SEMA3D: variants seen among roughly 807,000 people sequenced by gnomAD.
SEMA3D encodes semaphorin 3D, also known as semaphorin-3D.
Under a neutral mutation model 100.1 loss-of-function variants are expected in SEMA3D, and 84 were observed. The observed-to-expected ratio is 0.84, with a 90% CI of 0.70 to 1.01. The LOEUF is 1.01. Ranked by LOEUF, SEMA3D falls within the 50% of genes least tolerant of loss-of-function variation. The probability of loss-of-function intolerance (pLI) is 0.00; values close to 1 mark genes in which losing one functional copy is unlikely to be tolerated. For synonymous variants in SEMA3D, 312 were observed against 320.7 expected, an observed-to-expected ratio of 0.97 and a Z score of 0.29; for missense variants, 875 against 934.1, an observed-to-expected ratio of 0.94 and a Z score of 0.82.
At chr7:85,061,750 C>G (rs1007502863) in intron 8 of SEMA3D, among the ~76,000 whole-genome samples, 1 of 152,174 alleles carries the variant, frequency 6.6e-6, no homozygotes, top group Non-Finnish European at 1.5e-5. Flanking sequence ...CCTTACTCTG[C>G]CCTAGTTTCT....
chr7:85,049,826 G>A (rs1791110708), intron 9 of SEMA3D, among the ~76,000 whole-genome samples: 1 of 151,816 alleles, frequency 6.6e-6, no homozygotes, highest in African/African-American at 2.4e-5. Context: ...CAAGTTATGT[G>A]AAAGGGCCAT....
the SEMA3D span, among the ~76,000 whole-genome samples, chr7:85,226,427 G>A: frequency 2.6e-5 from 4 of 152,062 alleles, no homozygotes; most frequent in Admixed American, 2.6e-4. Flanking sequence ...TAGCATATAT[G>A]CATTCTTATT....
chr7:85,058,784 T>C (rs551135244), intron 8 of SEMA3D, among the ~76,000 whole-genome samples: 25 of 147,056 alleles, frequency 1.7e-4, no homozygotes, highest in African/African-American at 5.5e-4. Flanking sequence ...CTTTGTGGGA[T>C]CAAATTGTTC....
intron 3 of SEMA3D, 65 bp from the exon 4 acceptor site, chr7:85,098,030 G>A: frequency 1.2e-6 from 1 of 863,344 alleles, no homozygotes; most frequent in Non-Finnish European, 1.6e-6. Flanking sequence ...AGAAAGAAAG[G>A]AGAGAAAGAA....
chr7:85,063,876 A>G (rs1363237431), intron 8 of SEMA3D, among the ~76,000 whole-genome samples: 2 of 152,144 alleles, frequency 1.3e-5, no homozygotes, highest in African/African-American at 4.8e-5. Flanking sequence ...GGCGTTCATC[A>G]TCCCTGAGGT....
chr7:85,196,575 A>G, the SEMA3D span, among the ~76,000 whole-genome samples: 1 of 152,138 alleles, frequency 6.6e-6, no homozygotes, highest in Non-Finnish European at 1.5e-5. Context: ...CATCCTTTAC[A>G]TATGCAGAAT....
intron 4 of SEMA3D, among the ~76,000 whole-genome samples, chr7:85,095,376 A>G (rs762072163): frequency 2.6e-5 from 4 of 151,446 alleles, no homozygotes; most frequent in African/African-American, 7.3e-5. Context: ...GCTAACTTCA[A>G]TTGAGTATTT....
At chr7:85,025,879 C>T (rs1268083836) in intron 12 of SEMA3D, among the ~76,000 whole-genome samples, 2 of 152,036 alleles carry the variant, frequency 1.3e-5, no homozygotes, top group African/African-American at 2.4e-5. Context: ...TTCCCTCTCC[C>T]TCTCCTTTTC....
chr7:85,118,477 T>C (rs1386138319), intron 3 of SEMA3D, among the ~76,000 whole-genome samples: 1 of 152,052 alleles, frequency 6.6e-6, no homozygotes, highest in East Asian at 1.9e-4. Flanking sequence ...TTTTCTTATT[T>C]TAAAAATTGT....
intron 17 of SEMA3D, among the ~76,000 whole-genome samples, chr7:85,012,426 G>A (rs78376470): frequency 0.018 from 2,729 of 151,762 alleles, 87 homozygotes; most frequent in African/African-American, 0.062. Context: ...CTTCTGGGAG[G>A]TCTATTTGAG....
chr7:85,185,734 A>C (rs963604151), intron 1 of SEMA3D, among the ~76,000 whole-genome samples: 12 of 152,158 alleles, frequency 7.9e-5, no homozygotes, highest in Admixed American at 7.9e-4. Context: ...TCAGCCCAGG[A>C]GGTTGAACTC....
intron 2 of SEMA3D, among the ~76,000 whole-genome samples, chr7:85,122,963 G>T (rs767372828): frequency 1.7e-4 from 26 of 151,940 alleles, no homozygotes; most frequent in African/African-American, 5.8e-4. Context: ...TCATATTATC[G>T]AGCATTTATA....
At chr7:85,007,021 A>T in intron 17 of SEMA3D, 80 bp from the exon 18 acceptor site, 1 of 1,043,850 alleles carries the variant, frequency 9.6e-7, no homozygotes, top group Non-Finnish European at 1.4e-6. Context: ...TTCAGAACAG[A>T]TGCCATGGGG....
the SEMA3D span, among the ~76,000 whole-genome samples, chr7:85,203,502 C>G: frequency 0.68 from 103,192 of 152,016 alleles, 36,006 homozygotes; most frequent in East Asian, 0.92. Context: ...ATATTGTTAA[C>G]AGGGCTTTTG....
chr7:85,215,823 C>T, the SEMA3D span, among the ~76,000 whole-genome samples: 2 of 151,974 alleles, frequency 1.3e-5, no homozygotes, highest in Non-Finnish European at 2.9e-5. Context: ...TACATTTTTG[C>T]AAATTACTTT....
chr7:85,168,845 G>GAAAGA (rs1790996125), intron 1 of SEMA3D, among the ~76,000 whole-genome samples: 1 of 72,522 alleles, frequency 1.4e-5, no homozygotes, highest in African/African-American at 5.2e-5. Context: ...AAGAAAGAAA[G>GAAAGA]AAAGAAAGAA....
At chr7:85,151,664 G>A (rs1790425239) in intron 2 of SEMA3D, 1 of 980,296 alleles carries the variant, frequency 1.0e-6, no homozygotes, top group Middle Eastern at 5.2e-4. Context: ...ATATTATAGT[G>A]TATTTAGTAC....
In SEMA3D at chr7:84,996,640, G is replaced by C. The variant is rs531350326; in HGVS notation, c.*2800C>G. The C allele has an allele frequency of 1.3e-5, 2 of 152,324 alleles. No individual in the cohort carries two copies. The highest frequency in any genetic ancestry group is 1.3e-4 in the Admixed American group (2 of 15,248). The allele number at this position is 152,324 out of a possible 1,614,324, so 9.4% of individuals were successfully genotyped here. A position where few individuals can be genotyped will look rare whatever the true frequency, so the allele number is the denominator to read the frequency against. On this transcript the variant is annotated 3_prime_UTR_variant, in exon 19 of 19. Transcript: ENST00000284136. ...AATGTAAATGAATGCAGACATGCGGGATTCTATTTAGCAGCATAAATTGCT... is the reference window on the plus strand; with the variant it reads ...AATGTAAATGAATGCAGACATGCGGCATTCTATTTAGCAGCATAAATTGCT...
chr7:85,030,554 C>G (rs114066334), intron 12 of SEMA3D, among the ~76,000 whole-genome samples: 2,673 of 152,020 alleles, frequency 0.018, 81 homozygotes, highest in African/African-American at 0.061. Context: ...ATGATTCAAG[C>G]AAAGTAAAAC....
Sources: allele counts gnomAD v4.1 joint callset (sites outside exome capture counted in the v4.1 genomes callset), GRCh38; gene constraint gnomAD v4.1.1; transcripts MANE v1.5; gene names NCBI Gene and HGNC (gene_info 2026-07-23, HGNC 2026-07-21).